DPP10: variants seen among roughly 807,000 people sequenced by gnomAD.
DPP10 encodes dipeptidyl peptidase like 10.
In DPP10, 33 loss-of-function variants were observed where a neutral mutation model predicts 120.9. That is an observed-to-expected ratio of 0.27 (90% CI 0.21 to 0.37). The LOEUF (loss-of-function observed/expected upper bound fraction) is 0.37. DPP10 is among the 10% of genes least tolerant of loss of function. DPP10 has a pLI of 1.00. For missense variants in DPP10, 816 were observed against 942.8 expected, an observed-to-expected ratio of 0.87 and a Z score of 1.76; for synonymous variants, 337 against 326.1, an observed-to-expected ratio of 1.03 and a Z score of -0.36.
At position 115,179,326 on chromosome 2, in the gene DPP10, G is replaced by A. The variant is rs186810065; in HGVS notation, c.61-129913G>A. ...TTTGAATGACACTGTGAAGTCTAAA[G>A]GCTAGTAATGGACATAATCCCGCAT... On this transcript the variant is annotated intron_variant, in intron 1 of 25. Transcript: ENST00000410059. Among the ~76,000 whole-genome samples the A allele has an allele frequency of 8.2e-4, 125 of 152,172 alleles. 1 individual carries two copies. The highest frequency in any genetic ancestry group is 2.9e-3 in the African/African-American group (120 of 41,516).
In DPP10 at chr2:115,808,412, G is replaced by A. The variant is rs1421639709; in HGVS notation, c.1701-6381G>A. On this transcript the variant is annotated intron_variant, in intron 19 of 25. Transcript: ENST00000410059. ...GAGATAGTCAGATTTGGGTGGCTCA[G>A]CTTCTACAAGAGGAATGGAAGGTGT... Among the ~76,000 whole-genome samples, 4 of 152,272 alleles carry A rather than the reference G, an allele frequency of 2.6e-5. No individual in the cohort carries two copies. The East Asian group carries it at 7.7e-4, about 29-fold the overall frequency.
At chr2:114,744,500 G>A (rs751528616) in intron 1 of DPP10, among the ~76,000 whole-genome samples, 1 of 152,180 alleles carries the variant, frequency 6.6e-6, no homozygotes, top group Non-Finnish European at 1.5e-5. Context: ...AGAACATGAA[G>A]ATCAGAGAGG....
At chr2:114,704,566 AGG>A (rs1404670849) in intron 1 of DPP10, among the ~76,000 whole-genome samples, 1 of 152,192 alleles carries the variant, frequency 6.6e-6, no homozygotes, top group Non-Finnish European at 1.5e-5. Flanking sequence ...AACCATTTGC[AGG>A]GTCATTATGG....
intron 1 of DPP10, among the ~76,000 whole-genome samples, chr2:115,256,361 G>A (rs766153498): frequency 6.6e-6 from 1 of 152,146 alleles, no homozygotes; most frequent in Non-Finnish European, 1.5e-5. Context: ...TGGGGATTAT[G>A]GGGACTACAA....
intron 1 of DPP10, among the ~76,000 whole-genome samples, chr2:115,153,664 T>C (rs1190323145): frequency 6.6e-6 from 1 of 152,116 alleles, no homozygotes; most frequent in Admixed American, 6.6e-5. Context: ...AAAATAACCC[T>C]TTCAAAAAAA....
At chr2:115,655,521 A>G (rs972459404) in intron 5 of DPP10, among the ~76,000 whole-genome samples, 1 of 151,580 alleles carries the variant, frequency 6.6e-6, no homozygotes, top group Non-Finnish European at 1.5e-5. Flanking sequence ...AATTGTATTT[A>G]TTTACATCTA....
Position 114,827,047 on chromosome 2 carries a change from T to G in DPP10, c.60+384209T>G, listed in dbSNP as rs72961613. Among the ~76,000 whole-genome samples, 1,283 of 152,022 alleles carry G rather than the reference T, an allele frequency of 8.4e-3. 22 individuals carry two copies. Among genetic ancestry groups the G allele is most frequent in the African/African-American group, 0.029 (1,212 of 41,446 alleles). On this transcript the variant is annotated intron_variant, in intron 1 of 25. Transcript: ENST00000410059. ...GAGGTGGTGAACGTCAGAGAGTGAT[T>G]TTTCTAGGTTTTATGGCTTGTTTGG...
At chr2:115,549,686 A>G (rs2079755028) in intron 5 of DPP10, among the ~76,000 whole-genome samples, 2 of 152,086 alleles carry the variant, frequency 1.3e-5, no homozygotes, top group South Asian at 4.1e-4. Flanking sequence ...CTCTGCATAG[A>G]AACCAGAATA....
intron 3 of DPP10, among the ~76,000 whole-genome samples, chr2:115,367,028 C>T (rs2065120578): frequency 6.6e-6 from 1 of 151,882 alleles, no homozygotes; most frequent in Non-Finnish European, 1.5e-5. Flanking sequence ...ATATTTTCTG[C>T]AATTTGACGT....
At chr2:115,834,794 G>A (rs921953747) in intron 21 of DPP10, among the ~76,000 whole-genome samples, 10 of 152,094 alleles carry the variant, frequency 6.6e-5, no homozygotes, top group Admixed American at 5.9e-4. Context: ...CAGATTAACA[G>A]GAGAAAAACA....
At chr2:115,251,907 A>G (rs1649247758) in intron 1 of DPP10, among the ~76,000 whole-genome samples, 1 of 152,232 alleles carries the variant, frequency 6.6e-6, no homozygotes, top group African/African-American at 2.4e-5. Context: ...GGTTTTAGGT[A>G]GATTTTCTCT....
At position 115,746,079 on chromosome 2, in the gene DPP10, C is replaced by T; in HGVS notation, c.853-7C>T. 4 of 1,594,328 alleles carry T rather than the reference C, an allele frequency of 2.5e-6. No individual in the cohort carries two copies. Among genetic ancestry groups the T allele is most frequent in the Non-Finnish European group, 3.4e-6 (4 of 1,171,658 alleles). On this transcript the variant is annotated splice_polypyrimidine_tract_variant and splice_region_variant and intron_variant, in intron 9 of 25. Coordinates refer to ENST00000410059, the MANE Select transcript of DPP10 (RefSeq NM_020868.6). ...GTACTTGCAATACAACTTTCATTTT[C>T]TCAAAGGCAGGTCAAGTGAACCCAA...
chr2:115,047,896 C>T (rs1573424554), intron 1 of DPP10, among the ~76,000 whole-genome samples: 1 of 152,230 alleles, frequency 6.6e-6, no homozygotes, highest in African/African-American at 2.4e-5. Flanking sequence ...CTCTATCCCT[C>T]AGTCCTCCAT....
At chr2:115,693,353 A>T (rs1015512034) in intron 7 of DPP10, among the ~76,000 whole-genome samples, 3 of 152,120 alleles carry the variant, frequency 2.0e-5, no homozygotes, top group Non-Finnish European at 2.9e-5. Context: ...AGGTGCTCTC[A>T]TCCTTCCTGT....
intron 3 of DPP10, among the ~76,000 whole-genome samples, chr2:115,348,785 T>C (rs2063841638): frequency 6.6e-6 from 1 of 152,308 alleles, no homozygotes; most frequent in East Asian, 1.9e-4. Flanking sequence ...GATTTTACCG[T>C]GCAGCTAGTG....
chr2:115,396,964 C>T (rs2067723659), intron 3 of DPP10, among the ~76,000 whole-genome samples: 1 of 152,012 alleles, frequency 6.6e-6, no homozygotes, highest in South Asian at 2.1e-4. Context: ...ATTATAAGGC[C>T]AACACTGTAA....
intron 1 of DPP10, among the ~76,000 whole-genome samples, chr2:114,524,084 C>G (rs1001132136): frequency 1.3e-5 from 2 of 152,200 alleles, no homozygotes; most frequent in Non-Finnish European, 2.9e-5. Flanking sequence ...TACCCATTGT[C>G]TGTTGACTAT....
rs1440109357 is a variant in DPP10, at chr2:114,742,324, AAAAAG to A, written c.60+299492_60+299496del. 7.2e-5 allele frequency among the ~76,000 whole-genome samples: 11 copies of A among 152,242 alleles called. No individual in the cohort carries two copies. The South Asian group carries it at 8.3e-4, about 11-fold the overall frequency. On this transcript the variant is annotated intron_variant, in intron 1 of 25. Transcript: ENST00000410059. ...AAATAGTGAAAAAAAATTAAAAAGG[AAAAAG>A]AAAAGGAGAAGAAGAAAAAACTAAA...
rs1402750297 is a variant in DPP10 at position 115,035,556 on chromosome 2, G to GA, written c.61-273681dup. ...CCTAAAAACTGCTTGTAAAGTGAAT[G>GA]AAGTAAAACAATTCTTACATTTCAC... On this transcript the variant is annotated intron_variant, in intron 1 of 25. Transcript: ENST00000410059. 6.6e-5 allele frequency among the ~76,000 whole-genome samples: 10 copies of GA among 152,262 alleles called. No homozygotes were observed. In the East Asian group the frequency reaches 1.5e-3, roughly 23 times the overall value.
Sources: gnomAD v4.1 joint callset for allele counts (sites outside exome capture counted in the v4.1 genomes callset) on GRCh38, gnomAD v4.1.1 for gene constraint, MANE v1.5 for transcripts, NCBI Gene and HGNC (gene_info 2026-07-23, HGNC 2026-07-21) for gene names.